The following DCC variants were observed in gnomAD, a reference collection of about 807,000 sequenced individuals.
DCC encodes DCC netrin 1 receptor.
In DCC, 58 loss-of-function variants were observed where a neutral mutation model predicts 172.5. That is an observed-to-expected ratio of 0.34 (90% confidence interval 0.27 to 0.42). The LOEUF is 0.42. Among genes scored for constraint, DCC ranks in the 10% least tolerant of loss-of-function variants. DCC has a pLI of 1.00. For missense variants in DCC, 1,740 were observed against 1,791.0 expected (o/e 0.97, Z 0.51); for synonymous variants, 709 against 644.5 (o/e 1.10, Z -1.52).
At chr18:52,543,699 A>G (rs1024776064) in intron 1 of DCC, among the ~76,000 whole-genome samples, 4 of 152,154 alleles carry the variant, frequency 2.6e-5, no homozygotes, top group Non-Finnish European at 5.9e-5. Flanking sequence ...TATAAAACAG[A>G]GCCCCCTCTG....
chr18:53,087,634 T>C (rs1423740904), intron 7 of DCC, among the ~76,000 whole-genome samples: 1 of 152,180 alleles, frequency 6.6e-6, no homozygotes, highest in African/African-American at 2.4e-5. Context: ...ATTTTGGCTT[T>C]TGTTGCCATT....
intron 7 of DCC, among the ~76,000 whole-genome samples, chr18:53,086,010 C>CTTATTATTATTATTATTAT (rs781244055): frequency 5.2e-5 from 1 of 19,070 alleles, no homozygotes; most frequent in East Asian, 9.0e-4. Context: ...TCTTCTCCTT[C>CTTATTATTATTATTATTAT]TCCTTCTCCC....
At chr18:52,635,429 A>G (rs1256576496) in intron 1 of DCC, among the ~76,000 whole-genome samples, 1 of 152,260 alleles carries the variant, frequency 6.6e-6, no homozygotes, top group Non-Finnish European at 1.5e-5. Flanking sequence ...TTGAATAGTC[A>G]GGAAAATAAA....
At chr18:53,445,401 G>A (rs546681755) in intron 22 of DCC, among the ~76,000 whole-genome samples, 2 of 152,186 alleles carry the variant, frequency 1.3e-5, no homozygotes, top group Admixed American at 1.3e-4. Flanking sequence ...AAGTGAACTT[G>A]TCATTCTTAC....
intron 2 of DCC, among the ~76,000 whole-genome samples, chr18:52,826,031 A>AT (rs1022834483): frequency 2.0e-5 from 3 of 152,214 alleles, no homozygotes; most frequent in Non-Finnish European, 4.4e-5. Context: ...CTGTCCTTAA[A>AT]TTTTTAAAGA....
chr18:52,855,763 C>CTTT (rs71175526), intron 2 of DCC, among the ~76,000 whole-genome samples: 27,456 of 120,944 alleles, frequency 0.23, 4,233 homozygotes, highest in Non-Finnish European at 0.34. Context: ...CGTATAAATT[C>CTTT]TTTTTTTTTT....
intron 11 of DCC, among the ~76,000 whole-genome samples, chr18:53,208,994 G>A (rs1006254975): frequency 3.9e-5 from 6 of 152,176 alleles, no homozygotes; most frequent in African/African-American, 1.4e-4. Flanking sequence ...GCCTCACATA[G>A]TGCTGGGATT....
intron 5 of DCC, among the ~76,000 whole-genome samples, chr18:52,962,218 G>C (rs1256543092): frequency 1.3e-5 from 2 of 151,824 alleles, no homozygotes; most frequent in Admixed American, 1.3e-4. Context: ...ATCTGACAAA[G>C]GGCTAGTATC....
chr18:53,372,298 G>A (rs969379645), intron 15 of DCC, among the ~76,000 whole-genome samples: 1 of 151,992 alleles, frequency 6.6e-6, no homozygotes, highest in African/African-American at 2.4e-5. Flanking sequence ...AAAAAAGAAT[G>A]ATATGGCCTT....
intron 14 of DCC, 23 bp from the exon 15 acceptor site, chr18:53,339,690 T>C: frequency 1.3e-6 from 2 of 1,595,928 alleles, no homozygotes; most frequent in Non-Finnish European, 1.7e-6. Context: ...GACATGCTGA[T>C]GATGCCTCTT....
chr18:52,504,309 T>A (rs1655614192), intron 1 of DCC, among the ~76,000 whole-genome samples: 1 of 152,166 alleles, frequency 6.6e-6, no homozygotes. Flanking sequence ...AGTCTGGCAG[T>A]GTCAATGGGA....
At chr18:53,229,590 T>C (rs1341038758) in intron 12 of DCC, among the ~76,000 whole-genome samples, 2 of 152,044 alleles carry the variant, frequency 1.3e-5, no homozygotes, top group African/African-American at 2.4e-5. Flanking sequence ...AAATTGGCCT[T>C]CTTCGGTGTA....
chr18:52,792,829 CATTCT>C (rs1568107128), intron 2 of DCC, among the ~76,000 whole-genome samples: 1 of 127,830 alleles, frequency 7.8e-6, no homozygotes, highest in Non-Finnish European at 1.7e-5. Context: ...CATTCTATTC[CATTCT>C]ATTCCATTCC....
intron 5 of DCC, among the ~76,000 whole-genome samples, chr18:53,054,465 T>C (rs946473059): frequency 1.3e-5 from 2 of 152,114 alleles, no homozygotes; most frequent in African/African-American, 4.8e-5. Context: ...CCAGCCACTA[T>C]ATTAACAAAA....
At chr18:53,098,701 TG>T in intron 7 of DCC, among the ~76,000 whole-genome samples, 1 of 152,162 alleles carries the variant, frequency 6.6e-6, no homozygotes, top group Admixed American at 6.5e-5. Flanking sequence ...AAAGTTACTT[TG>T]CCCCCCTTTA....
chr18:52,932,637 G>A (rs1024698048), intron 5 of DCC, among the ~76,000 whole-genome samples: 13 of 152,196 alleles, frequency 8.5e-5, no homozygotes, highest in Admixed American at 2.0e-4. Flanking sequence ...ACTTGTAATT[G>A]CCCTCTAGGA....
chr18:52,655,566 A>G (rs1261883811), intron 1 of DCC, among the ~76,000 whole-genome samples: 1 of 152,126 alleles, frequency 6.6e-6, no homozygotes, highest in Non-Finnish European at 1.5e-5. Context: ...TATTACTGAA[A>G]ACCTTCAAGA....
At chr18:53,222,383 C>CTTTTTTTTTTTT (rs67373546) in intron 12 of DCC, among the ~76,000 whole-genome samples, 5 of 104,208 alleles carry the variant, frequency 4.8e-5, no homozygotes, top group East Asian at 2.9e-4. Flanking sequence ...TTTCTTTTTT[C>CTTTTTTTTTTTT]TTTTTTTTTT....
intron 28 of DCC, among the ~76,000 whole-genome samples, chr18:53,528,175 A>G (rs1311300078): frequency 6.6e-6 from 1 of 152,120 alleles, no homozygotes; most frequent in African/African-American, 2.4e-5. Context: ...ACAAAGAATC[A>G]TTTCATTTGA....
Sources: gnomAD v4.1 joint callset for allele counts (sites outside exome capture counted in the v4.1 genomes callset) on GRCh38, gnomAD v4.1.1 for gene constraint, MANE v1.5 for transcripts, NCBI Gene and HGNC (gene_info 2026-07-23, HGNC 2026-07-21) for gene names.